LRRC4C: variants seen among roughly 807,000 people sequenced by gnomAD.
The protein encoded by LRRC4C is leucine-rich repeat-containing protein 4C.
LRRC4C carries 5 observed loss-of-function variants against 33.6 expected under a neutral mutation model. The ratio of observed to expected loss-of-function variants is 0.15; its 90% CI spans 0.08 to 0.31. LRRC4C has a LOEUF of 0.31. Ranked by LOEUF, LRRC4C falls within the 10% of genes least tolerant of loss-of-function variation. The pLI is 1.00. For synonymous variants in LRRC4C, 329 were observed against 302.0 expected, an observed-to-expected ratio of 1.09 and a Z score of -0.93; for missense variants, 560 against 796.7, an observed-to-expected ratio of 0.70 and a Z score of 3.58.
intron 2 of LRRC4C, among the ~76,000 whole-genome samples, chr11:40,882,888 TA>T (rs1471059189): frequency 6.6e-6 from 1 of 152,118 alleles, no homozygotes; most frequent in Non-Finnish European, 1.5e-5. Flanking sequence ...CTAATGCACA[TA>T]AACTTCTAAA....
intron 2 of LRRC4C, among the ~76,000 whole-genome samples, chr11:40,679,036 A>T (rs1944548784): frequency 6.6e-6 from 1 of 152,184 alleles, no homozygotes; most frequent in African/African-American, 2.4e-5. Context: ...TAGTGATATG[A>T]ACAATAAGTT....
At chr11:40,262,424 C>T (rs775983974) in intron 4 of LRRC4C, among the ~76,000 whole-genome samples, 7 of 152,084 alleles carry the variant, frequency 4.6e-5, no homozygotes, top group South Asian at 2.1e-4. Context: ...GACAGTGTGG[C>T]GATTCCTCAA....
At chr11:40,554,223 T>A (rs1034327236) in intron 3 of LRRC4C, among the ~76,000 whole-genome samples, 2 of 152,176 alleles carry the variant, frequency 1.3e-5, no homozygotes, top group South Asian at 4.1e-4. Flanking sequence ...TATTTTTATG[T>A]ACTTTGTTGA....
Position 40,179,908 on chromosome 11 carries a change from C to T in LRRC4C, c.-95-39055G>A, listed in dbSNP as rs577656057. Reference sequence around the variant, plus strand: ...TCTCCTTTCTGTCTCTCCCCATGTACGTGTGTGTGTGTCCAAACATATGTG... The same window carrying T: ...TCTCCTTTCTGTCTCTCCCCATGTATGTGTGTGTGTGTCCAAACATATGTG... On this transcript the variant is annotated intron_variant, in intron 5 of 6. Coordinates refer to ENST00000528697, the MANE Select transcript of LRRC4C (RefSeq NM_001258419.2). Among the ~76,000 whole-genome samples, 11 of 152,200 alleles carry T rather than the reference C, an allele frequency of 7.2e-5. No homozygotes were observed. In the South Asian group the frequency reaches 1.7e-3, roughly 23 times the overall value.
chr11:40,614,564 C>A (rs1347903992), intron 3 of LRRC4C, among the ~76,000 whole-genome samples: 3 of 117,736 alleles, frequency 2.5e-5, no homozygotes, highest in East Asian at 2.1e-4. Context: ...TTTTCTTCAA[C>A]GACTTTTTTT....
intron 2 of LRRC4C, among the ~76,000 whole-genome samples, chr11:40,925,229 G>A (rs550306362): frequency 6.6e-6 from 1 of 151,774 alleles, no homozygotes; most frequent in East Asian, 1.9e-4. Flanking sequence ...TGATTATGTT[G>A]GGCTACCCAA....
intron 2 of LRRC4C, among the ~76,000 whole-genome samples, chr11:40,710,763 A>T (rs1046566660): frequency 6.6e-6 from 1 of 152,150 alleles, no homozygotes; most frequent in Admixed American, 6.5e-5. Flanking sequence ...AGTCTGTAGA[A>T]GTTTCTGCTG....
At chr11:40,744,814 A>G (rs998686958) in intron 2 of LRRC4C, among the ~76,000 whole-genome samples, 3 of 152,096 alleles carry the variant, frequency 2.0e-5, no homozygotes, top group African/African-American at 7.2e-5. Context: ...ATTTGGCTGT[A>G]TTGTCTACAA....
intron 1 of LRRC4C, among the ~76,000 whole-genome samples, chr11:41,156,309 T>A (rs1323351225): frequency 6.6e-6 from 1 of 152,130 alleles, no homozygotes; most frequent in Non-Finnish European, 1.5e-5. Flanking sequence ...TGTAATCTAT[T>A]ACTATTTTCT....
chr11:41,180,580 TG>T (rs1204076827), intron 1 of LRRC4C, among the ~76,000 whole-genome samples: 1 of 152,200 alleles, frequency 6.6e-6, no homozygotes. Flanking sequence ...TAAATGTGTG[TG>T]GGTGTGTGTC....
intron 2 of LRRC4C, among the ~76,000 whole-genome samples, chr11:40,655,618 C>G (rs768419404): frequency 6.6e-6 from 1 of 152,172 alleles, no homozygotes; most frequent in South Asian, 2.1e-4. Context: ...CTGTCCTGGA[C>G]AGCTTTGCAC....
intron 3 of LRRC4C, among the ~76,000 whole-genome samples, chr11:40,467,674 C>T (rs946165603): frequency 1.3e-5 from 2 of 151,930 alleles, no homozygotes; most frequent in Non-Finnish European, 2.9e-5. Flanking sequence ...GTAAAATATG[C>T]AAAAATGGAC....
intron 2 of LRRC4C, among the ~76,000 whole-genome samples, chr11:40,667,428 C>T (rs958959550): frequency 3.3e-5 from 5 of 152,084 alleles, no homozygotes; most frequent in East Asian, 1.9e-4. Context: ...CCTCCCAATG[C>T]GACAAATCCT....
Position 41,116,133 on chromosome 11 carries a change from A to T in LRRC4C, c.-495-182410T>A, listed in dbSNP as rs113039972. On this transcript the variant is annotated intron_variant, in intron 1 of 6. Transcript: ENST00000528697. ...CTGTGTTAAATATAAATGGATATGTATATGAATATGTATCATCAAGAGTAA... is the reference window on the plus strand; with the variant it reads ...CTGTGTTAAATATAAATGGATATGTTTATGAATATGTATCATCAAGAGTAA... Among the ~76,000 whole-genome samples, 1,305 of 152,268 alleles carry T rather than the reference A, an allele frequency of 8.6e-3. 7 individuals carry two copies. The highest frequency in any genetic ancestry group is 0.013 in the Non-Finnish European group (880 of 68,012).
At chr11:41,361,356 T>C (rs1952349391) in intron 1 of LRRC4C, among the ~76,000 whole-genome samples, 1 of 152,204 alleles carries the variant, frequency 6.6e-6, no homozygotes, top group Non-Finnish European at 1.5e-5. Flanking sequence ...AAATATATAT[T>C]TTCGGTACTC....
chr11:40,931,181 C>T (rs1162747822), intron 2 of LRRC4C, among the ~76,000 whole-genome samples: 1 of 152,048 alleles, frequency 6.6e-6, no homozygotes, highest in African/African-American at 2.4e-5. Context: ...AACAAGAATC[C>T]AATTTTGAGT....
At chr11:41,453,243 A>G (rs918671491) in intron 1 of LRRC4C, among the ~76,000 whole-genome samples, 1 of 152,174 alleles carries the variant, frequency 6.6e-6, no homozygotes, top group African/African-American at 2.4e-5. Flanking sequence ...ATGGCATCAG[A>G]CATTTTAATA....
intron 2 of LRRC4C, among the ~76,000 whole-genome samples, chr11:40,670,930 A>T (rs923874854): frequency 3.3e-5 from 5 of 151,930 alleles, no homozygotes; most frequent in Non-Finnish European, 7.4e-5. Context: ...CGCCCTGCTA[A>T]TTTTTTGTAT....
chr11:41,306,269 T>G (rs76758603), intron 1 of LRRC4C, among the ~76,000 whole-genome samples: 2,236 of 152,296 alleles, frequency 0.015, 52 homozygotes, highest in African/African-American at 0.052. Flanking sequence ...TTACCACTAC[T>G]AGTTCTTAAG....
Sources: allele counts gnomAD v4.1 joint callset (sites outside exome capture counted in the v4.1 genomes callset), GRCh38; gene constraint gnomAD v4.1.1; transcripts MANE v1.5; gene names NCBI Gene and HGNC (gene_info 2026-07-23, HGNC 2026-07-21).